The following SRPK2 variants were observed in gnomAD, a reference collection of about 807,000 sequenced individuals.
SRPK2 encodes the protein SFRS protein kinase 2.
A neutral mutation model predicts 90.8 loss-of-function variants in SRPK2; 21 were observed. The observed-to-expected ratio is 0.23, with a 90% confidence interval of 0.16 to 0.33. SRPK2 has a LOEUF of 0.33. SRPK2 is among the 10% of genes least tolerant of loss of function. SRPK2 has a pLI of 1.00. For missense variants in SRPK2, 620 were observed against 869.0 expected, an observed-to-expected ratio of 0.71 and a Z score of 3.60; for synonymous variants, 288 against 311.1, an observed-to-expected ratio of 0.93 and a Z score of 0.78.
intron 2 of SRPK2, among the ~76,000 whole-genome samples, chr7:105,216,135 C>A (rs1159256108): frequency 6.6e-6 from 1 of 150,924 alleles, no homozygotes; most frequent in African/African-American, 2.4e-5. Context: ...TACTGAAAAA[C>A]CACTGAATGG....
At chr7:105,177,561 T>C (rs1792136140) in intron 3 of SRPK2, among the ~76,000 whole-genome samples, 1 of 152,106 alleles carries the variant, frequency 6.6e-6, no homozygotes, top group East Asian at 1.9e-4. Flanking sequence ...ACAGTACAAA[T>C]GATGTGTCAA....
intron 7 of SRPK2, among the ~76,000 whole-genome samples, chr7:105,146,904 T>C (rs537252552): frequency 2.6e-5 from 4 of 152,290 alleles, no homozygotes; most frequent in Admixed American, 2.6e-4. Context: ...CTACATACAG[T>C]TGAACCTTGA....
intron 2 of SRPK2, among the ~76,000 whole-genome samples, chr7:105,230,207 T>C (rs879787452): frequency 8.5e-5 from 13 of 152,084 alleles, no homozygotes; most frequent in Admixed American, 6.5e-5. Context: ...CAAATGAGAA[T>C]GATACCTAAG....
intron 2 of SRPK2, among the ~76,000 whole-genome samples, chr7:105,303,922 G>T (rs1274497447): frequency 2.0e-5 from 3 of 152,258 alleles, no homozygotes; most frequent in Admixed American, 2.0e-4. Flanking sequence ...TCACTGTTTT[G>T]GATCTTTTGT....
At chr7:105,315,566 A>G (rs1000456825) in intron 2 of SRPK2, among the ~76,000 whole-genome samples, 2 of 152,214 alleles carry the variant, frequency 1.3e-5, no homozygotes, top group African/African-American at 4.8e-5. Context: ...TTCTGGGCCC[A>G]TGACTCTCAT....
chr7:105,141,179 A>T (rs929156007), intron 11 of SRPK2, among the ~76,000 whole-genome samples: 3 of 152,198 alleles, frequency 2.0e-5, no homozygotes, highest in Admixed American at 6.5e-5. Flanking sequence ...GCCAGTGCGT[A>T]ACAAAGCCAG....
At chr7:105,281,497 A>AG (rs1807329618) in intron 2 of SRPK2, among the ~76,000 whole-genome samples, 1 of 152,192 alleles carries the variant, frequency 6.6e-6, no homozygotes, top group South Asian at 2.1e-4. Context: ...TCAAGACTCC[A>AG]GCGCTACCCA....
At chr7:105,270,408 C>T (rs552901015) in intron 2 of SRPK2, among the ~76,000 whole-genome samples, 45 of 97,990 alleles carry the variant, frequency 4.6e-4, no homozygotes, top group African/African-American at 1.7e-3. Flanking sequence ...GCCTCCTCTG[C>T]CCTTTTTTTT....
At chr7:105,305,196 T>C (rs976003881) in intron 2 of SRPK2, among the ~76,000 whole-genome samples, 6 of 152,142 alleles carry the variant, frequency 3.9e-5, no homozygotes, top group African/African-American at 1.2e-4. Flanking sequence ...TCCCAGCACT[T>C]TGGGAGACTG....
chr7:105,161,119 G>A (rs1387856735), intron 6 of SRPK2, among the ~76,000 whole-genome samples: 1 of 151,998 alleles, frequency 6.6e-6, no homozygotes, highest in Non-Finnish European at 1.5e-5. Context: ...TAGAGACAGG[G>A]TTTCACCATG....
chr7:105,319,859 C>CTTTTTTTTTTTTTTT (rs112566629), intron 2 of SRPK2, among the ~76,000 whole-genome samples: 1 of 146,768 alleles, frequency 6.8e-6, no homozygotes. Flanking sequence ...CACTTCCCCC[C>CTTTTTTTTTTTTTTT]CTTTTTTTTT....
intron 2 of SRPK2, among the ~76,000 whole-genome samples, chr7:105,365,060 A>G (rs1818869184): frequency 1.3e-5 from 2 of 152,180 alleles, no homozygotes; most frequent in Non-Finnish European, 2.9e-5. Flanking sequence ...TTTGCACAAA[A>G]GAGTAGAGTT....
At chr7:105,293,587 TTGTTGTATTTTTAGTAGAGAC>T (rs896036538) in intron 2 of SRPK2, among the ~76,000 whole-genome samples, 19 of 151,068 alleles carry the variant, frequency 1.3e-4, no homozygotes, top group Non-Finnish European at 2.7e-4. Context: ...ACTCGGCTGA[TTGTTGTATTTTTAGTAGAGAC>T]GGGTTTCCAC....
chr7:105,159,463 A>AAAAAAAAAAAAAAAAAAAAAAC (rs1807153359), intron 7 of SRPK2, among the ~76,000 whole-genome samples: 1 of 146,522 alleles, frequency 6.8e-6, no homozygotes, highest in African/African-American at 2.6e-5. Flanking sequence ...AAAAAAAAAA[A>AAAAAAAAAAAAAAAAAAAAAAC]AAAAAAAAAA....
intron 2 of SRPK2, among the ~76,000 whole-genome samples, chr7:105,374,163 G>C (rs1820031882): frequency 6.6e-6 from 1 of 152,026 alleles, no homozygotes; most frequent in Non-Finnish European, 1.5e-5. Context: ...CTCACCTCAA[G>C]TGATCTGCCC....
At chr7:105,327,067 CAAAAAAA>C (rs11350866) in intron 2 of SRPK2, among the ~76,000 whole-genome samples, 3 of 123,312 alleles carry the variant, frequency 2.4e-5, no homozygotes, top group Admixed American at 8.6e-5. Context: ...AACTCCGTAT[CAAAAAAA>C]AAAAAAAAAA....
intron 3 of SRPK2, among the ~76,000 whole-genome samples, chr7:105,170,831 GAAA>G (rs1175547235): frequency 0.018 from 1,940 of 107,416 alleles, 158 homozygotes; most frequent in Non-Finnish European, 0.022. Context: ...GAAAGAGAAA[GAAA>G]GGAAGAAAGA....
intron 2 of SRPK2, among the ~76,000 whole-genome samples, chr7:105,322,731 G>A (rs1255690635): frequency 6.8e-6 from 1 of 146,190 alleles, no homozygotes; most frequent in Admixed American, 6.9e-5. Context: ...TTCATATTAT[G>A]TGAATATAAC....
chr7:105,388,195 G>C (rs895280382), intron 2 of SRPK2, among the ~76,000 whole-genome samples: 2 of 152,102 alleles, frequency 1.3e-5, no homozygotes, highest in East Asian at 3.9e-4. Context: ...CCGCACACTC[G>C]GCCCCTCCGC....
Sources: allele counts gnomAD v4.1 joint callset (sites outside exome capture counted in the v4.1 genomes callset), GRCh38; gene constraint gnomAD v4.1.1; transcripts MANE v1.5; gene names NCBI Gene and HGNC (gene_info 2026-07-23, HGNC 2026-07-21).